The following CYP39A1 variants were observed in gnomAD, a reference collection of about 807,000 sequenced individuals.
CYP39A1 encodes cytochrome P450 family 39 subfamily A member 1, also known as 24-hydroxycholesterol 7-alpha-hydroxylase.
A neutral mutation model predicts 58.1 loss-of-function variants in CYP39A1; 49 were observed. The ratio of observed to expected loss-of-function variants is 0.84; its 90% CI spans 0.67 to 1.07. The LOEUF (loss-of-function observed/expected upper bound fraction) is 1.07. Ranked by LOEUF, CYP39A1 falls within the 50% of genes least tolerant of loss-of-function variation. CYP39A1 has a pLI of 0.00. For missense variants in CYP39A1, 531 were observed against 539.4 expected (o/e 0.98, Z 0.16); for synonymous variants, 209 against 187.6 (o/e 1.11, Z -0.93).
rs186535524 is a variant in CYP39A1 at position 46,569,502 on chromosome 6, G to T, written c.1251-15648C>A. Among the ~76,000 whole-genome samples, 30 of 152,018 alleles carry T rather than the reference G, an allele frequency of 2.0e-4. No individual in the cohort carries two copies. In the East Asian group the frequency reaches 5.0e-3, roughly 26 times the overall value. On this transcript the variant is annotated intron_variant, in intron 10 of 11. Coordinates refer to ENST00000275016, the MANE Select transcript of CYP39A1 (RefSeq NM_016593.5). ...AACCATTGAGTATGATGTTAGCTGT[G>T]GGCTTGTCATATATGGCCTTTATTA... is the stretch of plus-strand genomic sequence containing the variant.
chr6:46,639,341 A>C (rs1303633581), intron 3 of CYP39A1, among the ~76,000 whole-genome samples, 153 bp downstream of exon 3: 1 of 98,398 alleles, frequency 1.0e-5, no homozygotes, highest in African/African-American at 2.9e-5. Flanking sequence ...ATCTCAAAAA[A>C]AAATAATTTA....
In CYP39A1 at chr6:46,631,085, T is replaced by C. The variant is rs1775631173; in HGVS notation, c.733-15A>G. On this transcript the variant is annotated splice_polypyrimidine_tract_variant and intron_variant, in intron 5 of 11. Transcript: ENST00000275016. ...TGCAATAATGTCTGTTTAAAAGAAA[T>C]AAACATTGCCAAACCATGGCTATGT... 1 of 1,575,606 alleles carries C rather than the reference T, an allele frequency of 6.3e-7. No homozygotes were observed. Among genetic ancestry groups the C allele is most frequent in the Admixed American group, 1.7e-5 (1 of 59,548 alleles).
chr6:46,616,163 T>TCTTTC (rs376056800), intron 7 of CYP39A1, among the ~76,000 whole-genome samples: 812 of 6,220 alleles, frequency 0.13, 280 homozygotes, highest in Admixed American at 0.23. Flanking sequence ...TTTCTTTCTT[T>TCTTTC]TTTCTTTCTT....
chr6:46,629,994 G>A (rs1163617882), intron 6 of CYP39A1, among the ~76,000 whole-genome samples: 1 of 152,004 alleles, frequency 6.6e-6, no homozygotes, highest in Non-Finnish European at 1.5e-5. Flanking sequence ...TGCTCAGGAG[G>A]CTGAGGCAGG....
chr6:46,614,640 T>C (rs1210315920), intron 7 of CYP39A1, among the ~76,000 whole-genome samples: 1 of 152,196 alleles, frequency 6.6e-6, no homozygotes, highest in Admixed American at 6.5e-5. Context: ...TCACTTCTAC[T>C]TTTTTCTCCA....
chr6:46,567,332 T>G (rs1771344641), intron 10 of CYP39A1, among the ~76,000 whole-genome samples: 1 of 142,048 alleles, frequency 7.0e-6, no homozygotes, highest in South Asian at 2.2e-4. Context: ...GGCTGAAAAA[T>G]ATTCCATATA....
intron 7 of CYP39A1, among the ~76,000 whole-genome samples, chr6:46,608,066 A>G (rs545303606): frequency 7.6e-4 from 116 of 152,384 alleles, no homozygotes; most frequent in Non-Finnish European, 1.5e-3. Flanking sequence ...AATAACCTTC[A>G]GCAATGACTT....
At chr6:46,563,823 G>A (rs761576173) in intron 10 of CYP39A1, among the ~76,000 whole-genome samples, 12 of 152,250 alleles carry the variant, frequency 7.9e-5, no homozygotes, top group East Asian at 7.7e-4. Flanking sequence ...GCAAGTAGAC[G>A]CTCTGGGGAG....
intron 10 of CYP39A1, among the ~76,000 whole-genome samples, chr6:46,573,031 C>T (rs1771677229): frequency 6.6e-6 from 1 of 151,944 alleles, no homozygotes; most frequent in Non-Finnish European, 1.5e-5. Flanking sequence ...AATCTCTTTG[C>T]TTCACTTCCA....
At chr6:46,602,915 A>G (rs1773599842) in intron 7 of CYP39A1, among the ~76,000 whole-genome samples, 1 of 49,130 alleles carries the variant, frequency 2.0e-5, no homozygotes, top group African/African-American at 9.0e-5. Flanking sequence ...AAGCCACTAA[A>G]TATAAAATGG....
intron 9 of CYP39A1, among the ~76,000 whole-genome samples, chr6:46,587,486 A>G (rs1772540638): frequency 6.6e-6 from 1 of 152,186 alleles, no homozygotes; most frequent in Non-Finnish European, 1.5e-5. Flanking sequence ...GCTCTTGGTA[A>G]TAAATTTAGT....
At position 46,552,979 on chromosome 6, in the gene CYP39A1, C is replaced by T. The variant is rs559338404; in HGVS notation, c.1338+788G>A. On this transcript the variant is annotated intron_variant, in intron 11 of 11. Coordinates refer to ENST00000275016, the MANE Select transcript of CYP39A1 (RefSeq NM_016593.5). ...ATGAGAACCACTTGAACCCAGGAGGCGGAGGCTGCAGTGAGCTGAGATTGT... is the reference window on the plus strand; with the variant it reads ...ATGAGAACCACTTGAACCCAGGAGGTGGAGGCTGCAGTGAGCTGAGATTGT... Among the ~76,000 whole-genome samples the T allele has an allele frequency of 2.7e-5, 4 of 146,570 alleles. No homozygotes were observed. In the South Asian group the frequency reaches 6.8e-4, roughly 25 times the overall value.
At chr6:46,553,061 CA>C (rs1313253972) in intron 11 of CYP39A1, among the ~76,000 whole-genome samples, 5 of 102,260 alleles carry the variant, frequency 4.9e-5, no homozygotes, top group African/African-American at 1.2e-4. Flanking sequence ...AAATAAAAAA[CA>C]ACCCCCCAAC....
intron 8 of CYP39A1, among the ~76,000 whole-genome samples, chr6:46,594,299 C>T (rs997790256): frequency 6.6e-6 from 1 of 152,000 alleles, no homozygotes; most frequent in Non-Finnish European, 1.5e-5. Flanking sequence ...ATAATATATG[C>T]TATCAAAATT....
At chr6:46,621,231 T>C (rs13199352) in intron 7 of CYP39A1, among the ~76,000 whole-genome samples, 18,957 of 151,990 alleles carry the variant, frequency 0.12, 1,216 homozygotes, top group Middle Eastern at 0.19. Context: ...CTGGACTTAA[T>C]AAAGATTTTA....
At chr6:46,554,879 C>T (rs1770592411) in intron 10 of CYP39A1, among the ~76,000 whole-genome samples, 1 of 152,150 alleles carries the variant, frequency 6.6e-6, no homozygotes, top group Admixed American at 6.6e-5. Flanking sequence ...CCCTCCATGA[C>T]TCCCTCAGTG....
At chr6:46,601,563 T>C (rs1180211654) in intron 7 of CYP39A1, among the ~76,000 whole-genome samples, 1 of 152,062 alleles carries the variant, frequency 6.6e-6, no homozygotes, top group African/African-American at 2.4e-5. Context: ...AAAATGGAAA[T>C]ACAGAAAGTA....
rs141907000 is a variant in CYP39A1 at position 46,634,066 on chromosome 6, G to A, written c.732+2323C>T. On this transcript the variant is annotated intron_variant, in intron 5 of 11. Transcript: ENST00000275016. ...TTGTTTTTATTCAAATAATGATATG[G>A]TTTGGCTACGAAGCCACCAAAATCT... Among the ~76,000 whole-genome samples the A allele has an allele frequency of 6.0e-4, 91 of 152,324 alleles. 1 individual carries two copies. In the East Asian group the frequency reaches 0.017, roughly 28 times the overall value.
intron 10 of CYP39A1, among the ~76,000 whole-genome samples, chr6:46,569,386 T>C (rs1373405913): frequency 6.6e-6 from 1 of 152,104 alleles, no homozygotes; most frequent in Admixed American, 6.6e-5. Context: ...CTAATTGCTC[T>C]GGCTACAACT....
Sources: allele counts gnomAD v4.1 joint callset (sites outside exome capture counted in the v4.1 genomes callset), GRCh38; gene constraint gnomAD v4.1.1; transcripts MANE v1.5; gene names NCBI Gene and HGNC (gene_info 2026-07-23, HGNC 2026-07-21).